Variants in MCF2L observed in about 807,000 individuals in gnomAD.
MCF2L encodes the protein MCF.2 cell line derived transforming sequence like.
A neutral mutation model predicts 153.4 loss-of-function variants in MCF2L; 97 were observed. That is an observed-to-expected ratio of 0.63 (90% CI 0.54 to 0.75). The LOEUF (loss-of-function observed/expected upper bound fraction) is 0.75, where lower values mean the gene tolerates loss of function less well. MCF2L is among the 30% of genes least tolerant of loss of function. The pLI, the probability that MCF2L is intolerant of heterozygous loss-of-function variation, is 0.00. For synonymous variants in MCF2L, 659 were observed against 632.2 expected (o/e 1.04, Z -0.64); for missense variants, 1,347 against 1,495.2 (o/e 0.90, Z 1.64).
intron 3 of MCF2L, chr13:113,026,846 A>G (rs1159155922): frequency 1.4e-6 from 1 of 692,302 alleles, no homozygotes; most frequent in Admixed American, 2.1e-5. Flanking sequence ...AAAGGTAGGG[A>G]GCCCAGTTCT....
intron 2 of MCF2L, among the ~76,000 whole-genome samples, chr13:112,938,319 C>A (rs2081543319): frequency 6.6e-6 from 1 of 152,002 alleles, no homozygotes; most frequent in African/African-American, 2.4e-5. Flanking sequence ...GTGGTTGATT[C>A]AGGTGAGCTC....
At position 113,031,302 on chromosome 13, in the gene MCF2L, A is replaced by C. The variant is rs1256698773; in HGVS notation, c.278+6544A>C. On this transcript the variant is annotated intron_variant, in intron 3 of 29. Coordinates refer to ENST00000535094, the MANE Select transcript of MCF2L (RefSeq NM_001112732.3). The surrounding 1 kb of genome is among the most constrained non-coding windows in gnomAD (Gnocchi z 5.5). Reference sequence around the variant, plus strand: ...ACGGAGACACAGAGATAAAGAGAGCACGAGGGAGGCAGAGGGCAGGGGTGG... The same window carrying C: ...ACGGAGACACAGAGATAAAGAGAGCCCGAGGGAGGCAGAGGGCAGGGGTGG... Among the ~76,000 whole-genome samples, 1 of 152,110 alleles carries C rather than the reference A, an allele frequency of 6.6e-6. No homozygotes were observed. Among genetic ancestry groups the C allele is most frequent in the South Asian group, 2.1e-4 (1 of 4,818 alleles).
chr13:112,962,214 C>T (rs558798022), intron 2 of MCF2L, among the ~76,000 whole-genome samples: 1 of 86,846 alleles, frequency 1.2e-5, no homozygotes, highest in Admixed American at 1.0e-4. Context: ...CACACTTGCA[C>T]ACAGTCACAC....
chr13:112,976,924 T>C (rs1055332602), intron 1 of MCF2L, among the ~76,000 whole-genome samples: 12 of 152,290 alleles, frequency 7.9e-5, no homozygotes, highest in African/African-American at 2.4e-4. Context: ...GTCACTACCC[T>C]GTGGGGGCTG....
chr13:113,001,991 G>A, intron 1 of MCF2L: 1 of 1,567,390 alleles, frequency 6.4e-7, no homozygotes, highest in Non-Finnish European at 8.6e-7. Flanking sequence ...CAGGTGCGTG[G>A]GGCGCGGGCG....
intron 8 of MCF2L, among the ~76,000 whole-genome samples, chr13:113,066,393 C>G (rs888268836): frequency 6.6e-6 from 1 of 152,188 alleles, no homozygotes; most frequent in African/African-American, 2.4e-5. Flanking sequence ...CAGAAAGCCA[C>G]TGTTTTGGGG....
chr13:113,044,951 C>T lies in MCF2L; in HGVS notation c.279-320C>T. On this transcript the variant is annotated intron_variant, in intron 3 of 29. Transcript: ENST00000535094. Reference sequence around the variant, plus strand: ...CTGGTCACCCAGGAAAGGAAAATGACTCGGCTCTTACTGTGGAATAGCAAA... The same window carrying T: ...CTGGTCACCCAGGAAAGGAAAATGATTCGGCTCTTACTGTGGAATAGCAAA... 3.1e-6 allele frequency: 5 copies of T among 1,589,278 alleles called. No homozygotes were observed. The Admixed American group carries it at 7.0e-5, about 22-fold the overall frequency.
At chr13:113,032,864 C>T (rs1010139991) in intron 3 of MCF2L, among the ~76,000 whole-genome samples, 6 of 152,360 alleles carry the variant, frequency 3.9e-5, no homozygotes, top group South Asian at 4.1e-4. Context: ...CCATCGTGCC[C>T]GCCTGTGCCT....
At chr13:112,934,847 G>A (rs964983084) in intron 2 of MCF2L, among the ~76,000 whole-genome samples, 2 of 151,700 alleles carry the variant, frequency 1.3e-5, no homozygotes, top group Non-Finnish European at 3.0e-5. Context: ...TCCCCTGGGC[G>A]CCCCCGCCAC....
chr13:113,087,119 CA>C (rs2034707822), intron 21 of MCF2L, 115 bp from the exon 22 acceptor site: 1 of 859,474 alleles, frequency 1.2e-6, no homozygotes, highest in East Asian at 2.7e-5. Context: ...GGACGCCCTG[CA>C]GCTGGAATCC....
At chr13:113,014,382 AT>A (rs905481529) in intron 1 of MCF2L, among the ~76,000 whole-genome samples, 2 of 151,958 alleles carry the variant, frequency 1.3e-5, no homozygotes, top group Non-Finnish European at 2.9e-5. Flanking sequence ...TCGCCTGAAC[AT>A]TTTCCCTAAT....
chr13:113,087,621 C>T (rs1438536159), intron 22 of MCF2L, 86 bp from the exon 23 acceptor site: 10 of 1,246,818 alleles, frequency 8.0e-6, no homozygotes, highest in Non-Finnish European at 1.0e-5. Context: ...GTATTTCCAT[C>T]ATTTCGTGCC....
At chr13:112,974,115 T>C (rs911456353) in intron 1 of MCF2L, among the ~76,000 whole-genome samples, 1 of 152,190 alleles carries the variant, frequency 6.6e-6, no homozygotes, top group African/African-American at 2.4e-5. Context: ...TTTCATCACC[T>C]GCCGCTCCAC....
At chr13:112,950,121 C>G (rs911818894) in intron 2 of MCF2L, among the ~76,000 whole-genome samples, 1 of 149,140 alleles carries the variant, frequency 6.7e-6, no homozygotes, top group Non-Finnish European at 1.5e-5. Flanking sequence ...TTATGTACAC[C>G]AAAATTAAAA....
intron 1 of MCF2L, among the ~76,000 whole-genome samples, chr13:112,899,879 TA>T (rs2081103861): frequency 6.6e-6 from 1 of 152,198 alleles, no homozygotes; most frequent in African/African-American, 2.4e-5. Context: ...TTTTCCACCG[TA>T]TCTTGAGATC....
intron 26 of MCF2L, chr13:113,090,536 G>A (rs1177309887): frequency 8.1e-6 from 8 of 984,074 alleles, no homozygotes; most frequent in South Asian, 4.7e-5. Flanking sequence ...GGCAGAGGCC[G>A]CTCAGCCATC....
In MCF2L at chr13:113,087,280, A is replaced by G; in HGVS notation, c.2419A>G (p.Ser807Gly). Residue 807 changes from serine to glycine, a missense_variant, in exon 22 of 30, where the codon AGC becomes GGC. By Grantham distance (56) the Ser-to-Gly change is moderately conservative. Coordinates refer to ENST00000535094, the MANE Select transcript of MCF2L (RefSeq NM_001112732.3). ...CAAGCTGCTGATGCAGGGCTCGTTC[A>G]GCGTCTGGACCGACCACAAGAGGGG... ...LGKLLMQGSF[S>G]VWTDHKRGHT... 6.2e-7 allele frequency: 1 copy of G among 1,612,914 alleles called. No homozygotes were observed. The highest frequency in any genetic ancestry group is 2.2e-5 in the East Asian group (1 of 44,878).
intron 2 of MCF2L, among the ~76,000 whole-genome samples, chr13:112,947,380 A>G (rs1367190370): frequency 1.3e-5 from 2 of 152,222 alleles, no homozygotes; most frequent in Non-Finnish European, 2.9e-5. Context: ...TCAAAAATCT[A>G]AATTCCAGAG....
chr13:112,960,137 T>C lies in MCF2L; in HGVS notation c.170-54626T>C, dbSNP rs542794434. On this transcript the variant is annotated intron_variant, in intron 2 of 29. Transcript: ENST00000375608. This position sits in a 1 kb window ranked among gnomAD's most constrained non-coding sequence, Gnocchi z 4.2. ...TGCTGCTATAACAGAGTATCACAGA[T>C]TGGGTAATTTACACACAATGGAAGT... 6.6e-6 allele frequency among the ~76,000 whole-genome samples: 1 copy of C among 152,296 alleles called. No homozygotes were observed. Among genetic ancestry groups the C allele is most frequent in the African/African-American group, 2.4e-5 (1 of 41,564 alleles).
Sources: gnomAD v4.1 joint callset for allele counts (sites outside exome capture counted in the v4.1 genomes callset) on GRCh38, gnomAD v4.1.1 for gene constraint, Gnocchi (gnomAD v3.1) non-coding constraint, MANE v1.5 for transcripts, NCBI Gene and HGNC (gene_info 2026-07-23, HGNC 2026-07-21) for gene names.